MCCC1: variants seen among roughly 807,000 people sequenced by gnomAD.
The protein encoded by MCCC1 is methylcrotonoyl-CoA carboxylase subunit alpha, mitochondrial.
Under a neutral mutation model 83.8 loss-of-function variants are expected in MCCC1, and 64 were observed. The ratio of observed to expected loss-of-function variants is 0.76; its 90% CI spans 0.62 to 0.94. The LOEUF is 0.94. Among genes scored for constraint, MCCC1 ranks in the 40% least tolerant of loss-of-function variants. MCCC1 has a pLI of 0.00. For synonymous variants in MCCC1, 322 were observed against 315.4 expected (o/e 1.02, Z -0.22); for missense variants, 807 against 904.7 (o/e 0.89, Z 1.39).
intron 1 of MCCC1, among the ~76,000 whole-genome samples, chr3:183,106,814 T>A (rs1039981341): frequency 1.3e-5 from 2 of 152,082 alleles, no homozygotes; most frequent in African/African-American, 4.8e-5. Flanking sequence ...TTCTATTTTA[T>A]CGCATTTGCT....
intron 4 of MCCC1, among the ~76,000 whole-genome samples, chr3:183,078,965 C>T (rs183683740): frequency 9.5e-4 from 145 of 152,324 alleles, no homozygotes; most frequent in Non-Finnish European, 1.4e-3. Flanking sequence ...AAACCATCAG[C>T]TCTCATGAGA....
Position 183,096,095 on chromosome 3 carries a change from A to G in MCCC1, c.90-1490T>C, listed in dbSNP as rs145256226. 7.1e-3 allele frequency among the ~76,000 whole-genome samples: 1,086 copies of G among 152,218 alleles called. 16 individuals are homozygous for G. Among genetic ancestry groups the G allele is most frequent in the African/African-American group, 0.025 (1,030 of 41,532 alleles). ...TCACGCCTGTAATCCTAGCAATTTG[A>G]GAGGCTGAGGTGGGGGGATTACCTG... is the stretch of plus-strand genomic sequence containing the variant. On this transcript the variant is annotated intron_variant, in intron 1 of 18. Transcript: ENST00000265594.
At chr3:183,068,868 G>GTTTGTAC (rs1716444516) in intron 7 of MCCC1, among the ~76,000 whole-genome samples, 1 of 152,162 alleles carries the variant, frequency 6.6e-6, no homozygotes, top group Non-Finnish European at 1.5e-5. Flanking sequence ...TGTAGCTCAG[G>GTTTGTAC]AGCAATAGGC....
intron 13 of MCCC1, among the ~76,000 whole-genome samples, chr3:183,036,537 C>CTTTTT (rs11411314): frequency 3.4e-5 from 4 of 117,676 alleles, no homozygotes; most frequent in South Asian, 3.0e-4. Context: ...GATCCATTTC[C>CTTTTT]TTTTTTTTTT....
intron 1 of MCCC1, among the ~76,000 whole-genome samples, chr3:183,106,021 G>A (rs916265817): frequency 1.4e-5 from 2 of 144,866 alleles, no homozygotes; most frequent in African/African-American, 5.0e-5. Context: ...CCTGGGAGGG[G>A]GAGGTTGCAG....
At chr3:183,093,718 G>C (rs866543621) in intron 2 of MCCC1, among the ~76,000 whole-genome samples, 1 of 152,128 alleles carries the variant, frequency 6.6e-6, no homozygotes, top group Non-Finnish European at 1.5e-5. Context: ...GCTCTATGGA[G>C]CCCAAGAGTT....
intron 3 of MCCC1, among the ~76,000 whole-genome samples, chr3:183,091,573 AAAAACAAAACAAAAC>A (rs540422401): frequency 3.3e-5 from 5 of 151,854 alleles, no homozygotes; most frequent in Non-Finnish European, 7.4e-5. Flanking sequence ...TGTCAAAAAC[AAAAACAAAACAAAAC>A]AAAACAAAAC....
chr3:183,041,499 T>C (rs985610126), intron 11 of MCCC1, 68 bp downstream of exon 11: 58 of 1,513,860 alleles, frequency 3.8e-5, no homozygotes, highest in Non-Finnish European at 5.2e-5. Flanking sequence ...GGGATAAGAA[T>C]GTGTCCAAAA....
At chr3:183,082,989 TA>T (rs533770378) in intron 4 of MCCC1, among the ~76,000 whole-genome samples, 1,698 of 147,418 alleles carry the variant, frequency 0.012, 36 homozygotes, top group African/African-American at 0.04. Context: ...GACAACGTCT[TA>T]AAAAAAAAAG....
intron 12 of MCCC1, 64 bp from the exon 13 acceptor site, chr3:183,037,498 C>T: frequency 7.5e-7 from 1 of 1,324,768 alleles, no homozygotes; most frequent in Non-Finnish European, 1.1e-6. Flanking sequence ...AGAAAACCAT[C>T]TGCTCTTTTT....
chr3:183,076,371 CT>C (rs1273393998), intron 4 of MCCC1, among the ~76,000 whole-genome samples: 13 of 152,026 alleles, frequency 8.6e-5, no homozygotes, highest in Admixed American at 5.2e-4. Flanking sequence ...TAGCTCATTT[CT>C]TTTTATAATA....
chr3:183,057,047 G>A (rs772114848), intron 8 of MCCC1, among the ~76,000 whole-genome samples: 2 of 152,184 alleles, frequency 1.3e-5, no homozygotes, highest in Non-Finnish European at 1.5e-5. Flanking sequence ...GCTTTTCGCT[G>A]TAAATCAGAT....
chr3:183,029,634 C>T (rs1712887572), intron 14 of MCCC1, among the ~76,000 whole-genome samples: 1 of 152,238 alleles, frequency 6.6e-6, no homozygotes, highest in Non-Finnish European at 1.5e-5. Flanking sequence ...TGGTCATTCT[C>T]ACTGAGGTCA....
At chr3:183,037,481 T>A (rs775749281) in intron 12 of MCCC1, 47 bp from the exon 13 acceptor site, 2 of 1,458,230 alleles carry the variant, frequency 1.4e-6, no homozygotes, top group Non-Finnish European at 1.9e-6. Flanking sequence ...GGGAAAACAA[T>A]ATGTTCAGAA....
At chr3:183,026,069 G>A (rs1712573309) in intron 14 of MCCC1, among the ~76,000 whole-genome samples, 1 of 152,084 alleles carries the variant, frequency 6.6e-6, no homozygotes, top group Non-Finnish European at 1.5e-5. Context: ...TTAAGACAGG[G>A]TATCACTCTG....
chr3:183,106,081 T>TAAAAAAAAAAAAAAAAAAAAA (rs563718218), intron 1 of MCCC1, among the ~76,000 whole-genome samples: 24 of 101,054 alleles, frequency 2.4e-4, no homozygotes, highest in African/African-American at 8.3e-4. Context: ...AGAGAGTCCG[T>TAAAAAAAAAAAAAAAAAAAAA]AAAAAAAAAA....
chr3:183,020,224 T>C lies in MCCC1; in HGVS notation c.1883A>G (p.Glu628Gly), dbSNP rs1276740004. Residue 628 changes from glutamate to glycine, a missense_variant, in exon 17 of 19, where the codon GAG becomes GGG. Glu to Gly is a moderately conservative substitution (Grantham distance 98). Coordinates refer to ENST00000265594, the MANE Select transcript of MCCC1 (RefSeq NM_020166.5). Reference protein sequence around the residue: ...IYLFSKEGSIEIDIPVPKYLS... With the variant: ...IYLFSKEGSIGIDIPVPKYLS... ...GTATTTGGGGACTGGAATGTCAATC[T>C]CAATACTTCCTTCCTAGAAACAGAA... 6.2e-7 allele frequency: 1 copy of C among 1,613,546 alleles called. No individual in the cohort carries two copies. The highest frequency in any genetic ancestry group is 1.7e-5 in the Admixed American group (1 of 60,020).
intron 3 of MCCC1, among the ~76,000 whole-genome samples, chr3:183,090,034 A>AAATG (rs1416628559): frequency 6.6e-6 from 1 of 152,196 alleles, no homozygotes; most frequent in Non-Finnish European, 1.5e-5. Context: ...GGAGTATATA[A>AAATG]AATGATCCAG....
upstream of MCCC1, among the ~76,000 whole-genome samples, chr3:183,100,855 A>G (rs1719206601): frequency 6.6e-6 from 1 of 152,238 alleles, no homozygotes; most frequent in South Asian, 2.1e-4. Context: ...TGGGCTGGCC[A>G]AGGCCGGAGC....
Sources: gnomAD v4.1 joint callset for allele counts (sites outside exome capture counted in the v4.1 genomes callset) on GRCh38, gnomAD v4.1.1 for gene constraint, MANE v1.5 for transcripts, NCBI Gene and HGNC (gene_info 2026-07-23, HGNC 2026-07-21) for gene names.